Variants in ZFHX3 observed in about 807,000 individuals in gnomAD.
The protein encoded by ZFHX3 is zinc finger homeobox protein 3.
A neutral mutation model predicts 279.1 loss-of-function variants in ZFHX3; 42 were observed. The observed-to-expected ratio is 0.15, with a 90% CI of 0.12 to 0.19. The LOEUF (loss-of-function observed/expected upper bound fraction) is 0.19. ZFHX3 is among the 10% of genes least tolerant of loss of function. The pLI, the probability that ZFHX3 is intolerant of heterozygous loss-of-function variation, is 1.00. For synonymous variants in ZFHX3, 2,293 were observed against 1,957.8 expected (o/e 1.17, Z -4.52); for missense variants, 4,981 against 4,754.0 (o/e 1.05, Z -1.40).
chr16:73,528,496 G>A (rs1050057536), intron 2 of ZFHX3, among the ~76,000 whole-genome samples: 1 of 152,174 alleles, frequency 6.6e-6, no homozygotes, highest in African/African-American at 2.4e-5. Context: ...TCTTCAAGGA[G>A]TTTACAATCC....
chr16:73,813,152 C>T (rs995408667), intron 1 of ZFHX3, among the ~76,000 whole-genome samples: 10 of 152,148 alleles, frequency 6.6e-5, no homozygotes, highest in Admixed American at 5.9e-4. Flanking sequence ...TTTCTCAGAG[C>T]TAACTGATCC....
intron 2 of ZFHX3, among the ~76,000 whole-genome samples, chr16:73,532,038 T>A (rs1377285240): frequency 6.6e-6 from 1 of 151,610 alleles, no homozygotes; most frequent in Non-Finnish European, 1.5e-5. Flanking sequence ...CAGTGAGCTA[T>A]GATTGTACCA....
chr16:72,953,822 C>T (rs1235746098), intron 2 of ZFHX3, among the ~76,000 whole-genome samples: 5 of 152,188 alleles, frequency 3.3e-5, no homozygotes, highest in African/African-American at 1.2e-4. Flanking sequence ...GATCCTTGGA[C>T]TCCCACAGTG....
intron 1 of ZFHX3, among the ~76,000 whole-genome samples, chr16:72,992,044 G>A (rs1304446851): frequency 6.6e-6 from 1 of 152,206 alleles, no homozygotes; most frequent in Non-Finnish European, 1.5e-5. Context: ...ATGATGCCCT[G>A]AGTTGGGGGC....
intron 5 of ZFHX3, among the ~76,000 whole-genome samples, chr16:73,256,051 A>G (rs2013654215): frequency 6.6e-6 from 1 of 152,248 alleles, no homozygotes; most frequent in Admixed American, 6.5e-5. Context: ...GGCAAAGCTC[A>G]TTGCAAATTA....
intron 7 of ZFHX3, among the ~76,000 whole-genome samples, chr16:73,120,179 C>T (rs1167101341): frequency 6.6e-6 from 1 of 152,146 alleles, no homozygotes; most frequent in Non-Finnish European, 1.5e-5. Context: ...ACCCTTGGCT[C>T]ATTTCCCATT....
At chr16:73,725,492 G>C (rs1290693823) in intron 1 of ZFHX3, among the ~76,000 whole-genome samples, 1 of 152,030 alleles carries the variant, frequency 6.6e-6, no homozygotes, top group African/African-American at 2.4e-5. Context: ...GCCCCAAAGA[G>C]ACAGGGGTCT....
At position 72,950,660 on chromosome 16, in the gene ZFHX3, C is replaced by T. The variant is rs770062973; in HGVS notation, c.3025G>A (p.Val1009Met). 12 of 1,614,238 alleles carry T rather than the reference C, an allele frequency of 7.4e-6. No homozygotes were observed. The highest frequency in any genetic ancestry group is 8.5e-6 in the Non-Finnish European group (10 of 1,180,046). The change falls in exon 3 of 10, where the codon GTG (valine) becomes ATG (methionine). Residue 1009 changes from valine to methionine, a missense_variant. Physicochemically the swap from Val to Met is conservative, Grantham distance 21 (BLOSUM62 1). Transcript: ENST00000268489. ...FQLHCKTDKH[V>M]QKYQLVAHIK... ...TGGGCCACCAGCTGGTACTTCTGCA[C>T]GTGCTTGTCTGTCTTGCAGTGCAGC...
At chr16:73,697,883 A>G (rs972599287) in intron 1 of ZFHX3, among the ~76,000 whole-genome samples, 4 of 152,184 alleles carry the variant, frequency 2.6e-5, no homozygotes, top group Non-Finnish European at 5.9e-5. Flanking sequence ...AACGGCCTAT[A>G]AGCAATGGCA....
At chr16:73,466,643 A>T (rs1027609880) in intron 2 of ZFHX3, among the ~76,000 whole-genome samples, 3 of 152,160 alleles carry the variant, frequency 2.0e-5, no homozygotes, top group African/African-American at 7.2e-5. Flanking sequence ...GGATAAAATG[A>T]TGGAGCATGC....
intron 3 of ZFHX3, among the ~76,000 whole-genome samples, chr16:73,374,956 G>A (rs753622836): frequency 2.0e-5 from 3 of 152,298 alleles, no homozygotes; most frequent in South Asian, 2.1e-4. Flanking sequence ...TTCATTGCCT[G>A]CTTTGATCTC....
chr16:73,772,406 A>T (rs886844812), intron 1 of ZFHX3, among the ~76,000 whole-genome samples: 3 of 152,178 alleles, frequency 2.0e-5, no homozygotes, highest in Admixed American at 1.3e-4. Flanking sequence ...TGTAAGACTT[A>T]CTTGCCATCA....
chr16:72,923,973 A>G (rs1292121405), intron 3 of ZFHX3, among the ~76,000 whole-genome samples: 1 of 152,226 alleles, frequency 6.6e-6, no homozygotes, highest in African/African-American at 2.4e-5. Context: ...TAATTATCAC[A>G]GATGGCGAAT....
At chr16:73,500,502 A>G (rs1029013195) in intron 2 of ZFHX3, among the ~76,000 whole-genome samples, 4 of 151,424 alleles carry the variant, frequency 2.6e-5, no homozygotes, top group African/African-American at 9.7e-5. Flanking sequence ...TAATTTTTCT[A>G]CTTTTGTAGA....
chr16:73,679,046 G>A lies in ZFHX3; in HGVS notation c.-1547+1134C>T, dbSNP rs192537761. On this transcript the variant is annotated intron_variant, in intron 2 of 17. Coordinates refer to the ZFHX3 transcript ENST00000641206. ...AGTCCAAGCCTGGCTCGTGCTCATA[G>A]GTATACTTAATTTTAAAAACTACTT... 4.5e-4 allele frequency among the ~76,000 whole-genome samples: 68 copies of A among 151,816 alleles called. 1 individual carries two copies. The highest frequency in any genetic ancestry group is 1.3e-3 in the African/African-American group (54 of 41,404).
At chr16:72,949,901 ATTTTC>A (rs1274859470) in intron 3 of ZFHX3, among the ~76,000 whole-genome samples, 5 of 128,164 alleles carry the variant, frequency 3.9e-5, no homozygotes, top group African/African-American at 5.8e-5. Flanking sequence ...GAGGGCAGGG[ATTTTC>A]TTTTCTTTTT....
rs1389947584 is a variant in ZFHX3, at chr16:72,950,540, T to C, written c.3145A>G (p.Thr1049Ala). 1.2e-6 allele frequency: 2 copies of C among 1,614,202 alleles called. No individual in the cohort carries two copies. Among genetic ancestry groups the C allele is most frequent in the Non-Finnish European group, 1.7e-6 (2 of 1,180,032 alleles). ...HLKCNACDYY[T>A]NSLEKLRLHT... ...AGCCGCAGCTTCTCCAGGCTGTTGG[T>C]GTAGTAGTCACAGGCGTTGCACTTG... The change falls in exon 3 of 10, where the codon ACC becomes GCC. Residue 1049 changes from threonine (T) to alanine (A), a missense_variant. Physicochemically the swap from Thr to Ala is moderately conservative, Grantham distance 58 (BLOSUM62 0). Coordinates refer to ENST00000268489, the MANE Select transcript of ZFHX3 (RefSeq NM_006885.4).
At chr16:73,870,473 C>A (rs887838959) in intron 1 of ZFHX3, among the ~76,000 whole-genome samples, 1 of 152,202 alleles carries the variant, frequency 6.6e-6, no homozygotes, top group Non-Finnish European at 1.5e-5. Flanking sequence ...GCCAAAGCGG[C>A]TTCACACTAG....
intron 1 of ZFHX3, among the ~76,000 whole-genome samples, chr16:73,758,439 T>G (rs1281089201): frequency 6.6e-6 from 1 of 152,234 alleles, no homozygotes; most frequent in East Asian, 1.9e-4. Flanking sequence ...TTAGGAGATG[T>G]GCAACCCAGG....
Sources: allele counts gnomAD v4.1 joint callset (sites outside exome capture counted in the v4.1 genomes callset), GRCh38; gene constraint gnomAD v4.1.1; transcripts MANE v1.5; gene names NCBI Gene and HGNC (gene_info 2026-07-23, HGNC 2026-07-21).